SLC24A2: variants seen among roughly 807,000 people sequenced by gnomAD.
SLC24A2 encodes solute carrier family 24 member 2, also known as sodium/potassium/calcium exchanger 2.
A neutral mutation model predicts 62.0 loss-of-function variants in SLC24A2; 36 were observed. The ratio of observed to expected loss-of-function variants is 0.58; its 90% confidence interval spans 0.44 to 0.77. The LOEUF is 0.77. Ranked by LOEUF, SLC24A2 falls within the 30% of genes least tolerant of loss-of-function variation. The probability of loss-of-function intolerance (pLI) is 0.00; values close to 1 mark genes in which losing one functional copy is unlikely to be tolerated. For missense variants in SLC24A2, 846 were observed against 817.9 expected (o/e 1.03, Z -0.42); for synonymous variants, 358 against 294.0 (o/e 1.22, Z -2.23).
At chr9:20,164,251 T>C in the SLC24A2 span, among the ~76,000 whole-genome samples, 1 of 151,476 alleles carries the variant, frequency 6.6e-6, no homozygotes, top group Admixed American at 6.6e-5. Context: ...AGGGCTAATA[T>C]CCAGAATCTA....
At chr9:19,684,495 T>A (rs1218041841) in intron 2 of SLC24A2, among the ~76,000 whole-genome samples, 2 of 151,996 alleles carry the variant, frequency 1.3e-5, no homozygotes, top group African/African-American at 4.8e-5. Flanking sequence ...GAGCAGTACC[T>A]TAAAGACCCA....
intron 2 of SLC24A2, among the ~76,000 whole-genome samples, chr9:19,686,640 TTGCTC>T (rs1819889605): frequency 6.6e-6 from 1 of 152,108 alleles, no homozygotes; most frequent in Non-Finnish European, 1.5e-5. Context: ...TTTCTTCCCT[TTGCTC>T]AGCACTTCTC....
chr9:19,952,734 A>G, the SLC24A2 span, among the ~76,000 whole-genome samples: 6 of 148,612 alleles, frequency 4.0e-5, no homozygotes, highest in African/African-American at 1.5e-4. Flanking sequence ...GTCTATATTC[A>G]GTACAAGGGT....
intron 2 of SLC24A2, among the ~76,000 whole-genome samples, chr9:19,645,135 T>C (rs916640799): frequency 2.0e-5 from 3 of 149,598 alleles, no homozygotes; most frequent in Non-Finnish European, 4.4e-5. Context: ...TGCAAAGGTA[T>C]GGACAGAGGG....
intron 2 of SLC24A2, among the ~76,000 whole-genome samples, chr9:19,706,034 G>C (rs1169704153): frequency 6.6e-6 from 1 of 152,032 alleles, no homozygotes; most frequent in African/African-American, 2.4e-5. Context: ...ACAGTGGGGT[G>C]TTAAAGTCTC....
At chr9:19,911,456 T>C in the SLC24A2 span, among the ~76,000 whole-genome samples, 1 of 152,154 alleles carries the variant, frequency 6.6e-6, no homozygotes, top group Non-Finnish European at 1.5e-5. Flanking sequence ...CTGGGTCAAA[T>C]GGTATTTCTA....
At chr9:20,156,986 G>C in the SLC24A2 span, among the ~76,000 whole-genome samples, 1 of 151,644 alleles carries the variant, frequency 6.6e-6, no homozygotes, top group African/African-American at 2.4e-5. Flanking sequence ...TTGGTTCTAA[G>C]ACTAGAACGT....
chr9:19,800,526 A>G, the SLC24A2 span, among the ~76,000 whole-genome samples: 2 of 152,130 alleles, frequency 1.3e-5, no homozygotes, highest in Admixed American at 1.3e-4. Flanking sequence ...AAATAGAGCC[A>G]TTTCTTGGGT....
chr9:19,799,549 AC>A, the SLC24A2 span, among the ~76,000 whole-genome samples: 1 of 152,178 alleles, frequency 6.6e-6, no homozygotes, highest in Non-Finnish European at 1.5e-5. Context: ...CATCTGAAAT[AC>A]CTGTCAGCTT....
the SLC24A2 span, among the ~76,000 whole-genome samples, chr9:19,872,511 C>T: frequency 6.6e-6 from 1 of 152,092 alleles, no homozygotes; most frequent in Non-Finnish European, 1.5e-5. Flanking sequence ...CCTCACCTCT[C>T]CTCTCATTTT....
chr9:19,993,784 G>A, the SLC24A2 span, among the ~76,000 whole-genome samples: 3 of 152,034 alleles, frequency 2.0e-5, no homozygotes, highest in South Asian at 4.2e-4. Flanking sequence ...TTAGTCCCTC[G>A]AGAATATTAC....
the SLC24A2 span, among the ~76,000 whole-genome samples, chr9:19,820,012 TATATATATATATACAC>T: frequency 9.5e-6 from 1 of 105,316 alleles, no homozygotes; most frequent in East Asian, 2.3e-4. Flanking sequence ...TATATGTGTA[TATATATATATATACAC>T]ATATATATAT....
rs1832656865 is a variant in SLC24A2, at chr9:19,510,003, C to G, written c.*6150G>C. The G allele has an allele frequency of 6.6e-6, 1 of 152,106 alleles. No individual in the cohort carries two copies. The highest frequency in any genetic ancestry group is 2.4e-5 in the African/African-American group (1 of 41,420). The allele number at this position is 152,106 out of a possible 1,614,324, so 9.4% of individuals were successfully genotyped here. A position where few individuals can be genotyped will look rare whatever the true frequency, so the allele number is the denominator to read the frequency against. The stretch of plus-strand genomic sequence containing the variant: ...GAGATCCAATCATTTATCCCAGTTT[C>G]ATATTTAAAATAAAAATATTGATTC... On this transcript the variant is annotated 3_prime_UTR_variant, in exon 11 of 11. Coordinates refer to ENST00000341998, the MANE Select transcript of SLC24A2 (RefSeq NM_020344.4).
chr9:19,732,561 A>G (rs1821371937), intron 2 of SLC24A2, among the ~76,000 whole-genome samples: 1 of 152,190 alleles, frequency 6.6e-6, no homozygotes, highest in Non-Finnish European at 1.5e-5. Context: ...GAAAGATTCA[A>G]TCAAGCTAAG....
chr9:20,076,541 ACT>A, the SLC24A2 span, among the ~76,000 whole-genome samples: 1 of 151,968 alleles, frequency 6.6e-6, no homozygotes. Flanking sequence ...GGCAAGAAAG[ACT>A]CTCCTTCGGG....
At chr9:20,251,408 A>T in the SLC24A2 span, among the ~76,000 whole-genome samples, 1 of 152,136 alleles carries the variant, frequency 6.6e-6, no homozygotes, top group Non-Finnish European at 1.5e-5. Context: ...CTATGCTAAC[A>T]CCAAGGAAAA....
chr9:20,116,576 C>A, the SLC24A2 span, among the ~76,000 whole-genome samples: 318 of 152,216 alleles, frequency 2.1e-3, no homozygotes, highest in Admixed American at 0.019. Context: ...CATACTGTGC[C>A]GTCTTTTCAA....
the SLC24A2 span, among the ~76,000 whole-genome samples, chr9:19,864,014 T>C: frequency 6.6e-6 from 1 of 151,736 alleles, no homozygotes; most frequent in African/African-American, 2.4e-5. Flanking sequence ...AAACTGATAC[T>C]ACAGAAATTC....
At chr9:19,823,544 G>C in the SLC24A2 span, among the ~76,000 whole-genome samples, 1 of 152,038 alleles carries the variant, frequency 6.6e-6, no homozygotes, top group African/African-American at 2.4e-5. Context: ...CAGGAAAATC[G>C]TTTGAACCAG....
Sources: allele counts gnomAD v4.1 joint callset (sites outside exome capture counted in the v4.1 genomes callset), GRCh38; gene constraint gnomAD v4.1.1; transcripts MANE v1.5; gene names NCBI Gene and HGNC (gene_info 2026-07-23, HGNC 2026-07-21).